Variants in MECOM observed in about 807,000 individuals in gnomAD.
MECOM encodes the protein MDS1 and EVI1 complex locus, also known as histone-lysine N-methyltransferase MECOM.
MECOM carries 13 observed loss-of-function variants against 116.3 expected under a neutral mutation model. That is an observed-to-expected ratio of 0.11 (90% confidence interval 0.07 to 0.18). The LOEUF (loss-of-function observed/expected upper bound fraction) is 0.18, where lower values mean the gene tolerates loss of function less well. Among genes scored for constraint, MECOM ranks in the 10% least tolerant of loss-of-function variants. MECOM has a pLI of 1.00. For missense variants in MECOM, 1,299 were observed against 1,509.0 expected (o/e 0.86, Z 2.31); for synonymous variants, 528 against 535.2 (o/e 0.99, Z 0.19).
At chr3:169,143,572 T>C (rs1361694872) in intron 3 of MECOM, 126 bp downstream of exon 3, 3 of 838,706 alleles carry the variant, frequency 3.6e-6, no homozygotes, top group Admixed American at 3.8e-5. Context: ...TATTTGTGCA[T>C]TATCTTTCAC....
chr3:169,107,251 T>G (rs567173912), intron 10 of MECOM, among the ~76,000 whole-genome samples: 1 of 152,148 alleles, frequency 6.6e-6, no homozygotes, highest in Non-Finnish European at 1.5e-5. Flanking sequence ...CAGGTTTTAT[T>G]TGGGGGTAAA....
At position 169,143,720 on chromosome 3, in the gene MECOM, A is replaced by G. The variant is rs751525266; in HGVS notation, c.488T>C (p.Val163Ala). 1 of 1,604,958 alleles carries G rather than the reference A, an allele frequency of 6.2e-7. No individual in the cohort carries two copies. Among genetic ancestry groups the G allele is most frequent in the Non-Finnish European group, 8.5e-7 (1 of 1,175,976 alleles). The change falls in exon 3 of 17, where the codon GTT (valine) becomes GCT (alanine). Residue 163 changes from valine (V) to alanine (A), a missense_variant. Around this residue, in one of 6 missense-constraint regions of MECOM, gnomAD observed 374 missense variants for 433.4 expected, o/e 0.86. Transcript: ENST00000651503. ...TACCTGATCATTTATCTGGCATGCA[A>G]CAAGGTTGTGCTGATCATAACAGCC... Reference protein sequence around the residue: ...FAGCYDQHNLVACQINDQIFY... With the variant: ...FAGCYDQHNLAACQINDQIFY...
chr3:169,245,221 T>C (rs769086017), intron 2 of MECOM, among the ~76,000 whole-genome samples: 47 of 152,266 alleles, frequency 3.1e-4, no homozygotes, highest in Admixed American at 1.1e-3. Flanking sequence ...AAATATAATA[T>C]TATTAATAGA....
intron 11 of MECOM, among the ~76,000 whole-genome samples, chr3:169,101,680 T>C (rs983710353): frequency 1.3e-5 from 2 of 152,220 alleles, no homozygotes; most frequent in African/African-American, 4.8e-5. Context: ...TACTTCTCTT[T>C]AATTAATGGC....
rs541474254 is a variant in MECOM, at chr3:169,327,714, T to C, written c.375+53473A>G. Reference sequence around the variant, plus strand: ...TTTTGCCAAGATCTAGGTCAGAGAGTAAACTGCATATATCTTTGGCAATGT... The same window carrying C: ...TTTTGCCAAGATCTAGGTCAGAGAGCAAACTGCATATATCTTTGGCAATGT... On this transcript the variant is annotated intron_variant, in intron 2 of 16. Transcript: ENST00000651503. Among the ~76,000 whole-genome samples the C allele has an allele frequency of 1.7e-3, 260 of 149,950 alleles. 1 individual carries two copies. The highest frequency in any genetic ancestry group is 5.9e-3 in the African/African-American group (239 of 40,720).
At chr3:169,487,896 T>C (rs1288297533) in intron 1 of MECOM, among the ~76,000 whole-genome samples, 1 of 152,098 alleles carries the variant, frequency 6.6e-6, no homozygotes, top group Non-Finnish European at 1.5e-5. Context: ...AAACAAAGTA[T>C]ACTTCAATGA....
chr3:169,189,409 A>G (rs930982177), intron 2 of MECOM, among the ~76,000 whole-genome samples: 6 of 152,046 alleles, frequency 3.9e-5, no homozygotes, highest in South Asian at 2.1e-4. Context: ...ACTCCAGGGG[A>G]AAAAAATCCT....
At chr3:169,504,611 G>C (rs912606241) in intron 1 of MECOM, among the ~76,000 whole-genome samples, 8 of 152,018 alleles carry the variant, frequency 5.3e-5, no homozygotes. Flanking sequence ...TGTATCATTT[G>C]TTTCCATACC....
chr3:169,209,489 G>A (rs958956440), intron 2 of MECOM, among the ~76,000 whole-genome samples: 1 of 151,480 alleles, frequency 6.6e-6, no homozygotes, highest in Admixed American at 6.6e-5. Flanking sequence ...AATCTACAAG[G>A]AACTTAAACA....
At chr3:169,251,918 A>G (rs2149585723) in intron 2 of MECOM, among the ~76,000 whole-genome samples, 1 of 152,316 alleles carries the variant, frequency 6.6e-6, no homozygotes, top group South Asian at 2.1e-4. Flanking sequence ...CAAACCATAT[A>G]TTACAATGTA....
chr3:169,539,136 T>C (rs1401062872), intron 1 of MECOM, among the ~76,000 whole-genome samples: 1 of 152,218 alleles, frequency 6.6e-6, no homozygotes, highest in East Asian at 1.9e-4. Flanking sequence ...CTCGTTGTTC[T>C]TTAAATATAT....
At chr3:169,224,147 A>G (rs555718668) in intron 2 of MECOM, among the ~76,000 whole-genome samples, 5 of 152,236 alleles carry the variant, frequency 3.3e-5, no homozygotes, top group African/African-American at 1.2e-4. Context: ...CTAGAGGGTA[A>G]GAGAGAAAAT....
chr3:169,585,235 G>T (rs1284620463), intron 1 of MECOM, among the ~76,000 whole-genome samples: 1 of 152,124 alleles, frequency 6.6e-6, no homozygotes, highest in African/African-American at 2.4e-5. Context: ...CAAATGTATG[G>T]TTCTATTATC....
At chr3:169,414,839 G>T (rs1399721809) in intron 1 of MECOM, among the ~76,000 whole-genome samples, 1 of 152,010 alleles carries the variant, frequency 6.6e-6, no homozygotes, top group Non-Finnish European at 1.5e-5. Context: ...AGAGAAAAAA[G>T]AATAAAAAGG....
intron 2 of MECOM, among the ~76,000 whole-genome samples, chr3:169,166,580 T>G (rs183851530): frequency 1.6e-4 from 24 of 152,292 alleles, no homozygotes; most frequent in African/African-American, 4.6e-4. Flanking sequence ...CAAATCAATA[T>G]AAAACCAAAA....
chr3:169,146,224 AC>A, intron 2 of MECOM: 1 of 1,112,016 alleles, frequency 9.0e-7, no homozygotes, highest in Non-Finnish European at 1.1e-6. Flanking sequence ...AAAAATCCCC[AC>A]AATCTAGCCA....
chr3:169,650,233 T>A (rs1774713188), intron 1 of MECOM, among the ~76,000 whole-genome samples: 1 of 152,258 alleles, frequency 6.6e-6, no homozygotes, highest in Non-Finnish European at 1.5e-5. Flanking sequence ...GAAAAACATT[T>A]TTCTATAAAA....
intron 1 of MECOM, among the ~76,000 whole-genome samples, chr3:169,413,612 G>A (rs572795479): frequency 6.6e-6 from 1 of 152,128 alleles, no homozygotes; most frequent in East Asian, 1.9e-4. Context: ...CAACTCCATG[G>A]AGCATAGCAA....
intron 2 of MECOM, among the ~76,000 whole-genome samples, chr3:169,149,032 CAT>C (rs1177606752): frequency 6.6e-5 from 10 of 151,010 alleles, no homozygotes; most frequent in African/African-American, 2.4e-4. Flanking sequence ...GGTTCGTGGC[CAT>C]TGATTTCCTG....
Sources: allele counts gnomAD v4.1 joint callset (sites outside exome capture counted in the v4.1 genomes callset), GRCh38; gene constraint gnomAD v4.1.1; regional missense constraint gnomAD v4.1.1; transcripts MANE v1.5; gene names NCBI Gene and HGNC (gene_info 2026-07-23, HGNC 2026-07-21).